Variants in IGSF21 observed in about 807,000 individuals in gnomAD.
IGSF21 encodes immunoglobulin superfamily member 21.
A neutral mutation model predicts 46.8 loss-of-function variants in IGSF21; 28 were observed. The ratio of observed to expected loss-of-function variants is 0.60; its 90% CI spans 0.44 to 0.82. The LOEUF is 0.82. Ranked by LOEUF, IGSF21 falls within the 40% of genes least tolerant of loss-of-function variation. The pLI is 0.00. For synonymous variants in IGSF21, 284 were observed against 273.6 expected (o/e 1.04, Z -0.38); for missense variants, 624 against 665.5 (o/e 0.94, Z 0.69).
chr1:18,356,127 A>C (rs919226081), intron 4 of IGSF21, among the ~76,000 whole-genome samples: 2 of 152,118 alleles, frequency 1.3e-5, no homozygotes, highest in African/African-American at 2.4e-5. Flanking sequence ...CAGCCCCTGC[A>C]CCTGGCCTAG....
intron 2 of IGSF21, among the ~76,000 whole-genome samples, chr1:18,268,731 G>A (rs1208711272): frequency 3.3e-5 from 5 of 152,172 alleles, no homozygotes; most frequent in Non-Finnish European, 7.4e-5. Flanking sequence ...ATAGAAGGGC[G>A]GGAGGAATCA....
intron 1 of IGSF21, among the ~76,000 whole-genome samples, chr1:18,169,115 G>A (rs1557568761): frequency 6.6e-6 from 1 of 152,242 alleles, no homozygotes; most frequent in East Asian, 1.9e-4. Flanking sequence ...AATGAGTGAT[G>A]ATGACTTTGG....
intron 3 of IGSF21, among the ~76,000 whole-genome samples, chr1:18,320,223 T>C (rs772340277): frequency 1.3e-5 from 2 of 152,192 alleles, no homozygotes; most frequent in Non-Finnish European, 2.9e-5. Context: ...ATTTTAATTT[T>C]GTTTTGACAA....
chr1:18,284,199 G>A (rs1484419332), intron 2 of IGSF21, among the ~76,000 whole-genome samples: 1 of 152,188 alleles, frequency 6.6e-6, no homozygotes, highest in Non-Finnish European at 1.5e-5. Flanking sequence ...TTGGTCTAGT[G>A]CCATCTTTGT....
chr1:18,264,957 C>A (rs181443849), intron 2 of IGSF21, among the ~76,000 whole-genome samples: 53 of 152,360 alleles, frequency 3.5e-4, no homozygotes, highest in Admixed American at 3.4e-3. Context: ...CCACAAATAG[C>A]AGCTATTACA....
At chr1:18,146,544 C>T (rs9329467) in intron 1 of IGSF21, among the ~76,000 whole-genome samples, 16,074 of 152,152 alleles carry the variant, frequency 0.11, 1,453 homozygotes, top group African/African-American at 0.24. Flanking sequence ...CTTCTCCCCA[C>T]ACCAGCCCAA....
intron 2 of IGSF21, among the ~76,000 whole-genome samples, chr1:18,265,771 C>T (rs2084984117): frequency 6.6e-6 from 1 of 152,248 alleles, no homozygotes; most frequent in African/African-American, 2.4e-5. Context: ...AGCCACACAA[C>T]CGGGATCTCA....
At chr1:18,275,381 A>G (rs4083984) in intron 2 of IGSF21, among the ~76,000 whole-genome samples, 37,405 of 151,796 alleles carry the variant, frequency 0.25, 5,032 homozygotes, top group African/African-American at 0.37. Context: ...TGGAGAACTG[A>G]CCTTCCCGTC....
rs2085756549 is a variant in IGSF21 at position 18,335,390 on chromosome 1, A to T, written c.424+380A>T. On this transcript the variant is annotated intron_variant, in intron 4 of 9. Coordinates refer to ENST00000251296, the MANE Select transcript of IGSF21 (RefSeq NM_032880.5). The surrounding 1 kb of genome is among the most constrained non-coding windows in gnomAD (Gnocchi z 4.8). ...GAGGCCTTAATGGAGAGGGCATAGG[A>T]TCTGGAGATGAATTAGAAAGCGCTC... Among the ~76,000 whole-genome samples, 1 of 152,214 alleles carries T rather than the reference A, an allele frequency of 6.6e-6. No individual in the cohort carries two copies. Among genetic ancestry groups the T allele is most frequent in the South Asian group, 2.1e-4 (1 of 4,830 alleles).
intron 4 of IGSF21, among the ~76,000 whole-genome samples, chr1:18,358,528 C>T (rs958887238): frequency 6.6e-6 from 1 of 152,184 alleles, no homozygotes; most frequent in African/African-American, 2.4e-5. Context: ...TACGGGACAG[C>T]CCGAATCTAG....
At chr1:18,186,925 T>C (rs924510576) in intron 1 of IGSF21, among the ~76,000 whole-genome samples, 1 of 152,176 alleles carries the variant, frequency 6.6e-6, no homozygotes, top group African/African-American at 2.4e-5. Flanking sequence ...TATGCTCTCA[T>C]AGCATCCTCT....
intron 3 of IGSF21, among the ~76,000 whole-genome samples, chr1:18,306,164 G>C (rs188540636): frequency 3.3e-5 from 5 of 152,282 alleles, no homozygotes; most frequent in Admixed American, 3.3e-4. Flanking sequence ...AGGATACCCT[G>C]TATGCTCGGC....
At chr1:18,169,326 G>A (rs1312277658) in intron 1 of IGSF21, among the ~76,000 whole-genome samples, 4 of 152,204 alleles carry the variant, frequency 2.6e-5, no homozygotes, top group African/African-American at 9.6e-5. Flanking sequence ...TGGGGCCCCT[G>A]TGCTTGGGGA....
At chr1:18,333,978 G>A (rs561215646) in intron 3 of IGSF21, among the ~76,000 whole-genome samples, 1 of 152,316 alleles carries the variant, frequency 6.6e-6, no homozygotes, top group South Asian at 2.1e-4. Context: ...AAGTTTTATT[G>A]GAGCACAGTT....
chr1:18,323,941 G>A (rs2085630847), intron 3 of IGSF21, among the ~76,000 whole-genome samples: 1 of 152,164 alleles, frequency 6.6e-6, no homozygotes, highest in South Asian at 2.1e-4. Flanking sequence ...CCAGTGTCCA[G>A]GGGCTCAGCT....
In IGSF21 at chr1:18,377,483, C is replaced by T. The variant is rs150892721; in HGVS notation, c.1333+52C>T. ...GCTTAAAAGGGAGTGGCTTTTGAGG[C>T]GCCAGAAAGCTCTGGTCCCCCAAAC... is the stretch of plus-strand genomic sequence containing the variant. On this transcript the variant is annotated intron_variant, in intron 9 of 9. Transcript: ENST00000251296. The T allele has an allele frequency of 1.6e-3, 2,366 of 1,448,372 alleles. 15 individuals are homozygous for T. The Middle Eastern group carries it at 0.03, about 18-fold the overall frequency. 89.7% of individuals were successfully genotyped at this position (1,448,372 alleles called of 1,614,324 possible).
chr1:18,343,678 A>G (rs1335815627), intron 4 of IGSF21, among the ~76,000 whole-genome samples: 1 of 152,252 alleles, frequency 6.6e-6, no homozygotes, highest in African/African-American at 2.4e-5. Flanking sequence ...TGGTTGTCCC[A>G]GCACCATTTG....
At chr1:18,283,844 GCATCCCTTCTCTGGC>G (rs1479772476) in intron 2 of IGSF21, among the ~76,000 whole-genome samples, 1 of 152,072 alleles carries the variant, frequency 6.6e-6, no homozygotes, top group Non-Finnish European at 1.5e-5. Flanking sequence ...AGGGCAAATG[GCATCCCTTCTCTGGC>G]CATGGGTTTT....
chr1:18,274,498 G>A (rs1301846655), intron 2 of IGSF21, among the ~76,000 whole-genome samples: 1 of 152,234 alleles, frequency 6.6e-6, no homozygotes, highest in Non-Finnish European at 1.5e-5. Context: ...GGCCAAATCT[G>A]GCCATCTGTT....
Sources: allele counts gnomAD v4.1 joint callset (sites outside exome capture counted in the v4.1 genomes callset), GRCh38; gene constraint gnomAD v4.1.1; non-coding constraint Gnocchi (gnomAD v3.1); transcripts MANE v1.5; gene names NCBI Gene and HGNC (gene_info 2026-07-23, HGNC 2026-07-21).